ABCC6: variants seen among roughly 807,000 people sequenced by gnomAD.
ABCC6 encodes the protein ATP binding cassette subfamily C member 6, also known as ATP-binding cassette sub-family C member 6.
ABCC6 carries 126 observed loss-of-function variants against 169.5 expected under a neutral mutation model. That is an observed-to-expected ratio of 0.74 (90% CI 0.64 to 0.86). The LOEUF (loss-of-function observed/expected upper bound fraction) is 0.86, where lower values mean the gene tolerates loss of function less well. Among genes scored for constraint, ABCC6 ranks in the 40% least tolerant of loss-of-function variants. ABCC6 has a pLI of 0.00. For missense variants in ABCC6, 1,733 were observed against 1,927.2 expected (o/e 0.90, Z 1.89); for synonymous variants, 752 against 814.7 (o/e 0.92, Z 1.31).
In ABCC6 at chr16:16,150,506, C is replaced by G. The variant is rs1304634823; in HGVS notation, c.4403+72G>C. 9 of 1,555,352 alleles carry G rather than the reference C, an allele frequency of 5.8e-6. No homozygotes were observed. In the Admixed American group the frequency reaches 1.5e-4, roughly 25 times the overall value. On this transcript the variant is annotated intron_variant, in intron 30 of 30. Coordinates refer to ENST00000205557, the MANE Select transcript of ABCC6 (RefSeq NM_001171.6). Reference sequence around the variant, plus strand: ...AGCTCTAACCCGAAGCCCAGTGGCCCAGGACTGCCTCCGCCTCCTTCCCCC... The same window carrying G: ...AGCTCTAACCCGAAGCCCAGTGGCCGAGGACTGCCTCCGCCTCCTTCCCCC...
chr16:16,206,379 C>G (rs2048391751), intron 7 of ABCC6, among the ~76,000 whole-genome samples: 1 of 152,082 alleles, frequency 6.6e-6, no homozygotes. Context: ...AATCCCAGCA[C>G]TTTGGGAGGC....
intron 2 of ABCC6, 152 bp from the exon 3 acceptor site, chr16:16,220,099 A>G (rs939754379): frequency 1.2e-5 from 8 of 665,672 alleles, no homozygotes; most frequent in African/African-American, 1.1e-4. Flanking sequence ...TGCCAATGTG[A>G]ACAATGTGTA....
intron 17 of ABCC6, among the ~76,000 whole-genome samples, chr16:16,181,087 T>C (rs951323577): frequency 2.0e-5 from 3 of 151,950 alleles, no homozygotes; most frequent in African/African-American, 7.2e-5. Context: ...GTGGATCACT[T>C]GAGGTCAGAA....
chr16:16,201,584 A>G (rs1359339722), intron 9 of ABCC6, among the ~76,000 whole-genome samples: 1 of 152,134 alleles, frequency 6.6e-6, no homozygotes, highest in Non-Finnish European at 1.5e-5. Context: ...CCTTACAGGA[A>G]TAACTAAGGA....
intron 11 of ABCC6, among the ~76,000 whole-genome samples, 168 bp downstream of exon 11, chr16:16,192,662 G>C (rs7206048): frequency 0.17 from 26,408 of 152,078 alleles, 3,897 homozygotes; most frequent in East Asian, 0.54. Flanking sequence ...TCCATTGAGA[G>C]GATAGGGGGA....
At chr16:16,166,500 G>A (rs1262121291) in intron 22 of ABCC6, among the ~76,000 whole-genome samples, 1 of 152,026 alleles carries the variant, frequency 6.6e-6, no homozygotes, top group East Asian at 1.9e-4. Flanking sequence ...CAGATGGGAG[G>A]GTGTATCTAC....
Position 16,202,028 on chromosome 16 carries a change from C to T in ABCC6, c.1149G>A (p.Ser383=), listed in dbSNP as rs138992331. 14 of 1,613,870 alleles carry T rather than the reference C, an allele frequency of 8.7e-6. No individual in the cohort carries two copies. Among genetic ancestry groups the T allele is most frequent in the African/African-American group, 8.0e-5 (6 of 74,932 alleles). The change falls in exon 9 of 31, where the codon TCG becomes TCA. Residue 383 remains serine (S), a synonymous_variant. Coordinates refer to ENST00000205557, the MANE Select transcript of ABCC6 (RefSeq NM_001171.6). ...TTCTGTACACCAGGCCAGTGATGGC[C>T]GACCGCAACCTCATCTGCAGCACCT... The part of the protein sequence containing the change: ...RLKVLQMRLR[S]AITGLVYRKV...
intron 24 of ABCC6, among the ~76,000 whole-genome samples, chr16:16,162,686 T>A (rs1358449526): frequency 6.6e-6 from 1 of 152,190 alleles, no homozygotes; most frequent in Non-Finnish European, 1.5e-5. Flanking sequence ...GTGTTCTTGT[T>A]CTTGCTTAGT....
At chr16:16,216,124 G>A (rs571531633) in intron 4 of ABCC6, among the ~76,000 whole-genome samples, 1 of 152,142 alleles carries the variant, frequency 6.6e-6, no homozygotes, top group South Asian at 2.1e-4. Flanking sequence ...GTTTCACCAT[G>A]TTGCCCATGC....
Position 16,188,986 on chromosome 16 carries a change from G to C in ABCC6, c.1636-12C>G. 1.2e-6 allele frequency: 2 copies of C among 1,613,640 alleles called. No individual in the cohort carries two copies. Among genetic ancestry groups the C allele is most frequent in the Non-Finnish European group, 1.7e-6 (2 of 1,180,008 alleles). On this transcript the variant is annotated splice_polypyrimidine_tract_variant and intron_variant, in intron 12 of 30. Coordinates refer to ENST00000205557, the MANE Select transcript of ABCC6 (RefSeq NM_001171.6). ...ACCACCAGTGCGACCTGGGGGGTGG[G>C]GGGGACACGTGGGGCAACAGTGAGA...
intron 4 of ABCC6, among the ~76,000 whole-genome samples, chr16:16,216,123 T>C (rs922632519): frequency 1.1e-4 from 17 of 152,148 alleles, no homozygotes; most frequent in African/African-American, 3.9e-4. Flanking sequence ...GGTTTCACCA[T>C]GTTGCCCATG....
At chr16:16,200,964 G>T (rs957577132) in intron 9 of ABCC6, among the ~76,000 whole-genome samples, 6 of 151,868 alleles carry the variant, frequency 4.0e-5, no homozygotes, top group Admixed American at 2.6e-4. Flanking sequence ...GGGTTTTTTT[G>T]TTTTGTTTTT....
At chr16:16,171,125 T>C (rs1002666762) in intron 21 of ABCC6, among the ~76,000 whole-genome samples, 9 of 151,780 alleles carry the variant, frequency 5.9e-5, no homozygotes, top group African/African-American at 2.2e-4. Flanking sequence ...GTATGACTGG[T>C]TCCTTCACAC....
At chr16:16,166,622 G>A (rs976817265) in intron 22 of ABCC6, among the ~76,000 whole-genome samples, 3 of 151,362 alleles carry the variant, frequency 2.0e-5, no homozygotes, top group African/African-American at 4.8e-5. Flanking sequence ...GCTCATGCCT[G>A]TAATCACAGC....
chr16:16,182,870 C>G lies in ABCC6; in HGVS notation c.2004G>C (p.Gly668=), dbSNP rs2047523321. Residue 668 remains glycine, a synonymous_variant, in exon 16 of 31, where the codon GGG becomes GGC. Transcript: ENST00000205557. ...LLAVVGPVGA[G]KSSLLSALLG... is the part of the protein sequence containing the mutation. The stretch of plus-strand genomic sequence containing the variant: ...GGAGGGCGGACAGCAGGGAGGACTT[C>G]CCTGCCCCCACTGGACCGACAACAG... 6.2e-7 allele frequency: 1 copy of G among 1,614,000 alleles called. No individual in the cohort carries two copies. The highest frequency in any genetic ancestry group is 8.5e-7 in the Non-Finnish European group (1 of 1,180,010).
chr16:16,205,503 A>C (rs1407508722), intron 7 of ABCC6, among the ~76,000 whole-genome samples: 1 of 152,084 alleles, frequency 6.6e-6, no homozygotes, highest in Non-Finnish European at 1.5e-5. Context: ...TCTGTCCCAC[A>C]TTATTGGTCT....
Position 16,182,490 on chromosome 16 carries a change from CT to C in ABCC6, c.2168del (p.Glu723GlyfsTer4). 1 of 1,614,234 alleles carries C rather than the reference CT, an allele frequency of 6.2e-7. No individual in the cohort carries two copies. The highest frequency in any genetic ancestry group is 8.5e-7 in the Non-Finnish European group (1 of 1,180,044). ...FGQELDPPWL[E>X]RVLEACALQP... ...GCAGGGCACAGGCTTCTAGTACTCT[CT>C]CCAGCCAGGGTGGGTCCAGCTCCTG... On this transcript the variant is annotated frameshift_variant, in exon 17 of 31. Transcript: ENST00000205557. LOFTEE classifies it high-confidence loss of function.
chr16:16,164,152 T>A (rs1024575115), intron 23 of ABCC6, among the ~76,000 whole-genome samples: 64 of 152,036 alleles, frequency 4.2e-4, no homozygotes, highest in African/African-American at 1.5e-3. Flanking sequence ...TCCCGCCTCA[T>A]CCTCCCAAGA....
chr16:16,170,171 G>T lies in ABCC6; in HGVS notation c.2788-318C>A, dbSNP rs534483651. Reference sequence around the variant, plus strand: ...GCTGGAGTACACTGGCATGATCATGGCTCACTGCAGCCTTGAACTCCTAGG... The same window carrying T: ...GCTGGAGTACACTGGCATGATCATGTCTCACTGCAGCCTTGAACTCCTAGG... On this transcript the variant is annotated intron_variant, in intron 21 of 30. Transcript: ENST00000205557. 4.2e-4 allele frequency among the ~76,000 whole-genome samples: 64 copies of T among 151,636 alleles called. 2 individuals are homozygous for T. The South Asian group carries it at 6.7e-3, about 16-fold the overall frequency.
Sources: allele counts gnomAD v4.1 joint callset (sites outside exome capture counted in the v4.1 genomes callset), GRCh38; gene constraint gnomAD v4.1.1; transcripts MANE v1.5; gene names NCBI Gene and HGNC (gene_info 2026-07-23, HGNC 2026-07-21).